IGSF3: variants seen among roughly 807,000 people sequenced by gnomAD.
IGSF3 encodes immunoglobulin superfamily member 3, also known as glu-Trp-Ile EWI motif-containing protein 3.
IGSF3 carries 23 observed loss-of-function variants against 114.4 expected under a neutral mutation model. The observed-to-expected ratio is 0.20, with a 90% confidence interval of 0.14 to 0.28. The LOEUF (loss-of-function observed/expected upper bound fraction) is 0.28. IGSF3 is among the 10% of genes least tolerant of loss of function. The probability of loss-of-function intolerance (pLI) is 1.00; values close to 1 mark genes in which losing one functional copy is unlikely to be tolerated. For synonymous variants in IGSF3, 571 were observed against 645.2 expected (o/e 0.88, Z 1.74); for missense variants, 1,172 against 1,591.5 (o/e 0.74, Z 4.48).
In IGSF3 at chr1:116,589,982, C is replaced by G. The variant is rs1660029928; in HGVS notation, c.2030-878G>C. On this transcript the variant is annotated intron_variant, in intron 7 of 10. Transcript: ENST00000369486. The surrounding 1 kb of genome is among the most constrained non-coding windows in gnomAD (Gnocchi z 5.7). ...CAGGAAAGCATTTGATCAGTGTTTG[C>G]TGAAATAGGTGAACGAGTGGGTGAG... Among the ~76,000 whole-genome samples, 2 of 152,008 alleles carry G rather than the reference C, an allele frequency of 1.3e-5. No individual in the cohort carries two copies. Among genetic ancestry groups the G allele is most frequent in the South Asian group, 4.1e-4 (2 of 4,826 alleles).
rs527646082 is a variant in IGSF3, at chr1:116,589,309, G to T, written c.2030-205C>A. Among the ~76,000 whole-genome samples the T allele has an allele frequency of 2.3e-4, 35 of 152,112 alleles. No homozygotes were observed. The East Asian group carries it at 2.5e-3, about 11-fold the overall frequency. On this transcript the variant is annotated intron_variant, in intron 7 of 10. Transcript: ENST00000369486. This position sits in a 1 kb window ranked among gnomAD's most constrained non-coding sequence, Gnocchi z 5.7. ...CCTCCTTGCCATGCGCCTGGCTTAGGCCTTCACCATCTCTCCCCTATCCAC... is the reference window on the plus strand; with the variant it reads ...CCTCCTTGCCATGCGCCTGGCTTAGTCCTTCACCATCTCTCCCCTATCCAC...
Position 116,629,527 on chromosome 1 carries a change from C to G in IGSF3, c.44-13070G>C, listed in dbSNP as rs1186444926. Among the ~76,000 whole-genome samples the G allele has an allele frequency of 6.6e-6, 1 of 152,066 alleles. No individual in the cohort carries two copies. The highest frequency in any genetic ancestry group is 2.4e-5 in the African/African-American group (1 of 41,408). On this transcript the variant is annotated intron_variant, in intron 2 of 10. Transcript: ENST00000369486. This position sits in a 1 kb window ranked among gnomAD's most constrained non-coding sequence, Gnocchi z 4.3. Reference sequence around the variant, plus strand: ...TCAGAGAGGGGTGAATATTTTGGTACAGATGAATTCAGGTTGTGTAAGTGG... The same window carrying G: ...TCAGAGAGGGGTGAATATTTTGGTAGAGATGAATTCAGGTTGTGTAAGTGG...
At position 116,584,598 on chromosome 1, in the gene IGSF3, A is replaced by G; in HGVS notation, c.2848+47T>C. The stretch of plus-strand genomic sequence containing the variant: ...CCAGTGCATAAAACAGTATACTTAA[A>G]TGGGAAACACCAGAGGGAGTGGAAG... On this transcript the variant is annotated intron_variant, in intron 9 of 10. Transcript: ENST00000369486. This position sits in a 1 kb window ranked among gnomAD's most constrained non-coding sequence, Gnocchi z 5.8. 6.3e-7 allele frequency: 1 copy of G among 1,591,634 alleles called. No individual in the cohort carries two copies. The highest frequency in any genetic ancestry group is 1.1e-5 in the South Asian group (1 of 90,514).
rs1660697272 is a variant in IGSF3, at chr1:116,603,939, C to T, written c.1309G>A (p.Ala437Thr). Residue 437 changes from alanine to threonine, a missense_variant, in exon 6 of 11, where the codon GCA becomes ACA. By Grantham distance (58) the Ala-to-Thr change is moderately conservative (BLOSUM62 0). Transcript: ENST00000369486. This position sits in a 1 kb window ranked among gnomAD's most constrained non-coding sequence, Gnocchi z 7.1. ...GAGAAGCGACCCTGCGGCCTGCCTG[C>T]CGTGCGGACACTGCAGGAGAAGCGC... ...DLRFSCSVRT[A>T]GRPQGRFSVI... 4 of 1,613,804 alleles carry T rather than the reference C, an allele frequency of 2.5e-6. No individual in the cohort carries two copies. In the Admixed American group the frequency reaches 5.0e-5, roughly 20 times the overall value.
In IGSF3 at chr1:116,642,387, T is replaced by A. The variant is rs2101056423; in HGVS notation, c.43+23897A>T. Among the ~76,000 whole-genome samples, 1 of 152,274 alleles carries A rather than the reference T, an allele frequency of 6.6e-6. No homozygotes were observed. The highest frequency in any genetic ancestry group is 2.4e-5 in the African/African-American group (1 of 41,562). ...TGATGAATAACATTAGAATTCTGGA[T>A]GCCTTCCAGCAGCTGGAACAGGGCA... On this transcript the variant is annotated intron_variant, in intron 2 of 10. Transcript: ENST00000369486. The surrounding 1 kb of genome is among the most constrained non-coding windows in gnomAD (Gnocchi z 5.4).
At position 116,603,573 on chromosome 1, in the gene IGSF3, ACTGAAGCTGT is replaced by A; in HGVS notation, c.1624+41_1624+50del. 2 of 1,563,656 alleles carry A rather than the reference ACTGAAGCTGT, an allele frequency of 1.3e-6. No individual in the cohort carries two copies. The highest frequency in any genetic ancestry group is 1.7e-6 in the Non-Finnish European group (2 of 1,145,580). On this transcript the variant is annotated intron_variant, in intron 6 of 10. Coordinates refer to ENST00000369486, the MANE Select transcript of IGSF3 (RefSeq NM_001007237.3). The surrounding 1 kb of genome is among the most constrained non-coding windows in gnomAD (Gnocchi z 7.1). ...GAAAAGTCAGGATAAGGTGTTTGAC[ACTGAAGCTGT>A]CTCCATGCCAGACCCACTGCCAGTC...
rs1297106057 is a variant in IGSF3 at position 116,600,497 on chromosome 1, T to C, written c.1625-152A>G. 1 of 629,864 alleles carries C rather than the reference T, an allele frequency of 1.6e-6. No homozygotes were observed. Among genetic ancestry groups the C allele is most frequent in the Non-Finnish European group, 2.8e-6 (1 of 363,152 alleles). The allele number at this position is 629,864 out of a possible 1,614,324, so 39.0% of individuals were successfully genotyped here. A position where few individuals can be genotyped will look rare whatever the true frequency, so the allele number is the denominator to read the frequency against. On this transcript the variant is annotated intron_variant, in intron 6 of 10. Coordinates refer to ENST00000369486, the MANE Select transcript of IGSF3 (RefSeq NM_001007237.3). The surrounding 1 kb of genome is among the most constrained non-coding windows in gnomAD (Gnocchi z 5.5). ...GCTCTCAGGCTAGTGTTGCTTTTAG[T>C]ATCCTGCTGAGGCCCAGTCCAAGAG...
chr1:116,620,695 A>G (rs549758330), intron 2 of IGSF3, among the ~76,000 whole-genome samples: 6 of 152,360 alleles, frequency 3.9e-5, no homozygotes, highest in African/African-American at 1.2e-4. Context: ...TAGATTCTCC[A>G]GCCACAGTCA....
intron 2 of IGSF3, among the ~76,000 whole-genome samples, chr1:116,621,595 A>C (rs887763167): frequency 9.2e-5 from 14 of 152,262 alleles, no homozygotes; most frequent in African/African-American, 3.4e-4. Flanking sequence ...TTTAAGCCTT[A>C]AGTTTGGGGC....
At position 116,664,020 on chromosome 1, in the gene IGSF3, A is replaced by G. The variant is rs1649227545; in HGVS notation, c.43+2264T>C. Among the ~76,000 whole-genome samples the G allele has an allele frequency of 6.6e-6, 1 of 152,178 alleles. No homozygotes were observed. Among genetic ancestry groups the G allele is most frequent in the Non-Finnish European group, 1.5e-5 (1 of 68,032 alleles). On this transcript the variant is annotated intron_variant, in intron 2 of 10. Transcript: ENST00000369486. The surrounding 1 kb of genome is among the most constrained non-coding windows in gnomAD (Gnocchi z 4.6). The stretch of plus-strand genomic sequence containing the variant: ...AAGACAAGCAGGAAATAAGACCCCA[A>G]CATGGGTTTTGCTCCCTCCCCAAAC...
rs139404305 is a variant in IGSF3 at position 116,605,275 on chromosome 1, G to A, written c.1223-1250C>T. Among the ~76,000 whole-genome samples the A allele has an allele frequency of 0.015, 2,209 of 151,910 alleles. 56 individuals carry two copies. Among genetic ancestry groups the A allele is most frequent in the African/African-American group, 0.051 (2,094 of 41,380 alleles). ...AAAACACACACATACACATAACAATGCATTTGAATCAAATCTTTTCTCTCC... is the reference window on the plus strand; with the variant it reads ...AAAACACACACATACACATAACAATACATTTGAATCAAATCTTTTCTCTCC... On this transcript the variant is annotated intron_variant, in intron 5 of 10. Coordinates refer to ENST00000369486, the MANE Select transcript of IGSF3 (RefSeq NM_001007237.3). The surrounding 1 kb of genome is among the most constrained non-coding windows in gnomAD (Gnocchi z 5.1).
intron 2 of IGSF3, among the ~76,000 whole-genome samples, chr1:116,641,055 T>C (rs578211139): frequency 6.6e-6 from 1 of 152,326 alleles, no homozygotes; most frequent in Non-Finnish European, 1.5e-5. Context: ...CGGATTTTCT[T>C]GAAAATTCTA....
chr1:116,577,064 C>T lies in IGSF3; in HGVS notation c.*248G>A, dbSNP rs1659375922. On this transcript the variant is annotated 3_prime_UTR_variant, in exon 11 of 11. Coordinates refer to ENST00000369486, the MANE Select transcript of IGSF3 (RefSeq NM_001007237.3). The surrounding 1 kb of genome is among the most constrained non-coding windows in gnomAD (Gnocchi z 5.7). ...GCACCTGGAGCTACTCACTACATTA[C>T]TAAAAACAGAAACAAGAAATCTATA... 2 of 502,860 alleles carry T rather than the reference C, an allele frequency of 4.0e-6. No homozygotes were observed. Among genetic ancestry groups the T allele is most frequent in the Admixed American group, 7.0e-5 (2 of 28,678 alleles). The allele number at this position is 502,860 out of a possible 1,614,324, so 31.1% of individuals were successfully genotyped here. A position where few individuals can be genotyped will look rare whatever the true frequency, so the allele number is the denominator to read the frequency against.
In IGSF3 at chr1:116,605,966, G is replaced by C. The variant is rs1660778612; in HGVS notation, c.1223-1941C>G. On this transcript the variant is annotated intron_variant, in intron 5 of 10. Transcript: ENST00000369486. This position sits in a 1 kb window ranked among gnomAD's most constrained non-coding sequence, Gnocchi z 5.1. ...GCAAGCCTGGAAACCCACATAGTTA[G>C]AATGTGGGGCTACAAGAAGAAATGC... 1.3e-5 allele frequency among the ~76,000 whole-genome samples: 2 copies of C among 152,190 alleles called. No individual in the cohort carries two copies. The highest frequency in any genetic ancestry group is 4.1e-4 in the South Asian group (2 of 4,822).
intron 2 of IGSF3, among the ~76,000 whole-genome samples, chr1:116,619,639 AC>A (rs534771030): frequency 1.1e-3 from 162 of 152,178 alleles, no homozygotes; most frequent in African/African-American, 3.6e-3. Flanking sequence ...TAATAGTAAT[AC>A]CCTGCTGTGC....
chr1:116,654,659 C>T lies in IGSF3; in HGVS notation c.43+11625G>A, dbSNP rs3905204. Among the ~76,000 whole-genome samples the T allele has an allele frequency of 0.035, 5,368 of 152,204 alleles. 308 individuals carry two copies. Among genetic ancestry groups the T allele is most frequent in the African/African-American group, 0.12 (5,060 of 41,480 alleles). ...CCATACGAGGCTCCTCTGGTATGGA[C>T]GGTGTCTCCTCTCTGGTGGGAAGTA... On this transcript the variant is annotated intron_variant, in intron 2 of 10. Coordinates refer to ENST00000369486, the MANE Select transcript of IGSF3 (RefSeq NM_001007237.3). This position sits in a 1 kb window ranked among gnomAD's most constrained non-coding sequence, Gnocchi z 4.4.
chr1:116,652,383 T>A (rs1247366322), intron 2 of IGSF3, among the ~76,000 whole-genome samples: 3 of 152,244 alleles, frequency 2.0e-5, no homozygotes, highest in Admixed American at 6.5e-5. Context: ...TACTTAAAAG[T>A]AATAACAGTG....
In IGSF3 at chr1:116,651,579, G is replaced by A. The variant is rs2336336; in HGVS notation, c.43+14705C>T. On this transcript the variant is annotated intron_variant, in intron 2 of 10. Transcript: ENST00000369486. This position sits in a 1 kb window ranked among gnomAD's most constrained non-coding sequence, Gnocchi z 4.4. ...GTTAAATGCAGCCTACCATAGGATC[G>A]TTGATTACAACATGCATTCAACATT... Among the ~76,000 whole-genome samples, 2 of 152,188 alleles carry A rather than the reference G, an allele frequency of 1.3e-5. No homozygotes were observed. The highest frequency in any genetic ancestry group is 2.4e-5 in the African/African-American group (1 of 41,460).
chr1:116,574,751 G>A lies in IGSF3; in HGVS notation c.*2561C>T, dbSNP rs1008767663. 9 of 152,656 alleles carry A rather than the reference G, an allele frequency of 5.9e-5. No individual in the cohort carries two copies. Among genetic ancestry groups the A allele is most frequent in the Non-Finnish European group, 1.2e-4 (8 of 68,022 alleles). The allele number at this position is 152,656 out of a possible 1,614,324, so 9.5% of individuals were successfully genotyped here. ...TCAGCAGTTTTCCTCCGTCTCAGAA[G>A]ACTAAAGCTCCAGTAGACAATGCGC... On this transcript the variant is annotated 3_prime_UTR_variant, in exon 11 of 11. Transcript: ENST00000369486. The surrounding 1 kb of genome is among the most constrained non-coding windows in gnomAD (Gnocchi z 5.2).
Sources: gnomAD v4.1 joint callset for allele counts (sites outside exome capture counted in the v4.1 genomes callset) on GRCh38, gnomAD v4.1.1 for gene constraint, Gnocchi (gnomAD v3.1) non-coding constraint, MANE v1.5 for transcripts, NCBI Gene and HGNC (gene_info 2026-07-23, HGNC 2026-07-21) for gene names.